The following PLCL2 variants were observed in gnomAD, a reference collection of about 807,000 sequenced individuals.
PLCL2 encodes the protein inactive phospholipase C-like protein 2.
A neutral mutation model predicts 79.6 loss-of-function variants in PLCL2; 4 were observed. The observed-to-expected ratio is 0.05, with a 90% confidence interval of 0.02 to 0.11. The LOEUF (loss-of-function observed/expected upper bound fraction) is 0.11, where lower values mean the gene tolerates loss of function less well. PLCL2 is among the 10% of genes least tolerant of loss of function. The pLI, the probability that PLCL2 is intolerant of heterozygous loss-of-function variation, is 1.00. For missense variants in PLCL2, 895 were observed against 1,291.0 expected (o/e 0.69, Z 4.70); for synonymous variants, 484 against 457.7 (o/e 1.06, Z -0.73).
At chr3:16,999,636 A>G (rs1189003480) in intron 1 of PLCL2, among the ~76,000 whole-genome samples, 1 of 152,224 alleles carries the variant, frequency 6.6e-6, no homozygotes, top group Non-Finnish European at 1.5e-5. Flanking sequence ...ATGCAGTGCT[A>G]GCTCACATCT....
chr3:16,956,454 C>A (rs2063706512), intron 1 of PLCL2, among the ~76,000 whole-genome samples: 1 of 152,082 alleles, frequency 6.6e-6, no homozygotes, highest in African/African-American at 2.4e-5. Flanking sequence ...AGGATTTTTG[C>A]ATCAATGTTC....
At chr3:17,043,106 C>T (rs1553647854) in intron 4 of PLCL2, among the ~76,000 whole-genome samples, 157 bp downstream of exon 4, 1 of 152,102 alleles carries the variant, frequency 6.6e-6, no homozygotes, top group Non-Finnish European at 1.5e-5. Flanking sequence ...GGTTCTCAGC[C>T]TTGGGTAACA....
intron 1 of PLCL2, among the ~76,000 whole-genome samples, chr3:16,906,334 A>G (rs1205489942): frequency 2.6e-5 from 4 of 152,184 alleles, no homozygotes; most frequent in African/African-American, 4.8e-5. Flanking sequence ...ATACAAGCGA[A>G]TATGTTCTTT....
rs76768768 is a variant in PLCL2 at position 17,081,830 on chromosome 3, C to G, written c.3205-7903C>G. Among the ~76,000 whole-genome samples the G allele has an allele frequency of 7.3e-3, 1,118 of 152,326 alleles. 16 individuals are homozygous for G. The highest frequency in any genetic ancestry group is 0.026 in the African/African-American group (1,070 of 41,560). Reference sequence around the variant, plus strand: ...ATCCAGCCACTGCCCTTAGTTACATCTTTTAAAGATTACTTTCTGGGCCTA... The same window carrying G: ...ATCCAGCCACTGCCCTTAGTTACATGTTTTAAAGATTACTTTCTGGGCCTA... On this transcript the variant is annotated intron_variant, in intron 5 of 5. Transcript: ENST00000615277.
At position 17,011,760 on chromosome 3, in the gene PLCL2, A is replaced by G. The variant is rs192887335; in HGVS notation, c.2414A>G (p.Asn805Ser). The change falls in exon 2 of 6, where the codon AAT becomes AGT. Residue 805 changes from asparagine to serine, a missense_variant. Around this residue, in one of 6 missense-constraint regions of PLCL2, gnomAD observed 298 missense variants for 459.6 expected, o/e 0.65. Transcript: ENST00000615277. The surrounding 1 kb of genome is among the most constrained non-coding windows in gnomAD (Gnocchi z 7.9). ...AEQRTKTVHQ[N>S]GDAPIFDESF... ...CAAAGGACAAAAACAGTGCACCAGA[A>G]TGGAGACGCTCCCATTTTTGATGAA... is the stretch of plus-strand genomic sequence containing the variant. 1 of 1,614,172 alleles carries G rather than the reference A, an allele frequency of 6.2e-7. No individual in the cohort carries two copies. The highest frequency in any genetic ancestry group is 1.7e-5 in the Admixed American group (1 of 60,018).
intron 1 of PLCL2, among the ~76,000 whole-genome samples, chr3:16,981,682 AGT>A (rs1408450839): frequency 6.6e-6 from 1 of 152,246 alleles, no homozygotes; most frequent in Non-Finnish European, 1.5e-5. Flanking sequence ...GTACAAAAGT[AGT>A]TGTGGTCCAC....
intron 5 of PLCL2, among the ~76,000 whole-genome samples, chr3:17,079,262 C>T (rs2065139057): frequency 6.6e-6 from 1 of 152,154 alleles, no homozygotes. Context: ...CTGGTCCCTG[C>T]CTGGAACCCT....
At chr3:16,893,536 T>G (rs931547398) in intron 1 of PLCL2, among the ~76,000 whole-genome samples, 5 of 152,192 alleles carry the variant, frequency 3.3e-5, no homozygotes, top group Non-Finnish European at 5.9e-5. Flanking sequence ...ATCATGGAGA[T>G]TCATGAGATT....
rs1478448547 is a variant in PLCL2 at position 16,886,815 on chromosome 3, A to T, written c.327+1449A>T. On this transcript the variant is annotated intron_variant, in intron 1 of 5. Coordinates refer to ENST00000615277, the MANE Select transcript of PLCL2 (RefSeq NM_001144382.2). The surrounding 1 kb of genome is among the most constrained non-coding windows in gnomAD (Gnocchi z 4.2). ...TCAATCCTATTGACAGAGTTAGGTG[A>T]CATTTCTGTTTTTATTTGTCATAAA... Among the ~76,000 whole-genome samples the T allele has an allele frequency of 6.6e-6, 1 of 152,208 alleles. No individual in the cohort carries two copies. The highest frequency in any genetic ancestry group is 2.4e-5 in the African/African-American group (1 of 41,436).
At chr3:16,915,506 A>C (rs1696972864) in intron 1 of PLCL2, among the ~76,000 whole-genome samples, 3 of 152,180 alleles carry the variant, frequency 2.0e-5, no homozygotes, top group Admixed American at 2.0e-4. Context: ...TTTTCTTGGC[A>C]CTGGCAACAG....
chr3:17,002,642 A>T (rs2125003218), intron 1 of PLCL2, among the ~76,000 whole-genome samples: 1 of 152,212 alleles, frequency 6.6e-6, no homozygotes, highest in South Asian at 2.1e-4. Flanking sequence ...TGAGCTGCTT[A>T]ACTTGGAAAA....
intron 1 of PLCL2, among the ~76,000 whole-genome samples, chr3:16,938,711 G>T (rs1697603545): frequency 6.6e-6 from 1 of 152,106 alleles, no homozygotes; most frequent in African/African-American, 2.4e-5. Flanking sequence ...GAAATGCAGG[G>T]AGCACAAAAT....
chr3:17,050,117 C>T (rs1286217798), intron 4 of PLCL2, among the ~76,000 whole-genome samples: 3 of 152,060 alleles, frequency 2.0e-5, no homozygotes, highest in African/African-American at 4.8e-5. Context: ...GCAGGGAAAA[C>T]GGGATATCCA....
At chr3:17,050,744 CA>C (rs1295242987) in intron 4 of PLCL2, among the ~76,000 whole-genome samples, 1 of 151,916 alleles carries the variant, frequency 6.6e-6, no homozygotes, top group Non-Finnish European at 1.5e-5. Context: ...GAAGGTTCCT[CA>C]AAAAAACTAA....
At chr3:17,005,479 C>T (rs987972192) in intron 1 of PLCL2, among the ~76,000 whole-genome samples, 1 of 152,134 alleles carries the variant, frequency 6.6e-6, no homozygotes, top group Non-Finnish European at 1.5e-5. Flanking sequence ...TTAGTGACAG[C>T]CTTCTATTAA....
chr3:16,902,206 A>G (rs1487608435), intron 1 of PLCL2, among the ~76,000 whole-genome samples: 1 of 152,158 alleles, frequency 6.6e-6, no homozygotes, highest in Non-Finnish European at 1.5e-5. Flanking sequence ...TGACACCACT[A>G]TCCATTCTCC....
intron 1 of PLCL2, among the ~76,000 whole-genome samples, chr3:16,960,118 C>T (rs1226075360): frequency 1.3e-5 from 2 of 152,018 alleles, no homozygotes; most frequent in African/African-American, 2.4e-5. Context: ...AAAAAAAGTT[C>T]ATCTTCTCCA....
rs1224050758 is a variant in PLCL2, at chr3:17,085,840, T to C, written c.3205-3893T>C. On this transcript the variant is annotated intron_variant, in intron 5 of 5. Coordinates refer to ENST00000615277, the MANE Select transcript of PLCL2 (RefSeq NM_001144382.2). ...CATTAGAACCCCCAGAAATAAAATA[T>C]TCAGGTATAAATCTAACAACATATA... Among the ~76,000 whole-genome samples, 4 of 152,162 alleles carry C rather than the reference T, an allele frequency of 2.6e-5. No individual in the cohort carries two copies. The South Asian group carries it at 6.2e-4, about 24-fold the overall frequency.
chr3:16,891,069 T>C (rs886797247), intron 1 of PLCL2, among the ~76,000 whole-genome samples: 2 of 152,182 alleles, frequency 1.3e-5, no homozygotes, highest in African/African-American at 2.4e-5. Flanking sequence ...GCTAGTAATC[T>C]CAGCTGGGCT....
Sources: allele counts gnomAD v4.1 joint callset (sites outside exome capture counted in the v4.1 genomes callset), GRCh38; gene constraint gnomAD v4.1.1; regional missense constraint gnomAD v4.1.1; non-coding constraint Gnocchi (gnomAD v3.1); transcripts MANE v1.5; gene names NCBI Gene and HGNC (gene_info 2026-07-23, HGNC 2026-07-21).